The following SURF4 variants were observed in gnomAD, a reference collection of about 807,000 sequenced individuals.
The protein encoded by SURF4 is surfeit 4, also known as surfeit locus protein 4.
A neutral mutation model predicts 30.0 loss-of-function variants in SURF4; 3 were observed. The observed-to-expected ratio is 0.10, with a 90% CI of 0.05 to 0.26. SURF4 has a LOEUF of 0.26. Among genes scored for constraint, SURF4 ranks in the 10% least tolerant of loss-of-function variants. SURF4 has a pLI of 1.00. For missense variants in SURF4, 217 were observed against 350.8 expected (o/e 0.62, Z 3.05); for synonymous variants, 143 against 139.9 (o/e 1.02, Z -0.16).
rs2130230950 is a variant in SURF4, at chr9:133,374,947, G to C, written c.48+975C>G. ...TAGCAAAGCCACACGAACACATTAA[G>C]TAAACCGAGGAAAAAACGGCAAGTG... is the stretch of plus-strand genomic sequence containing the variant. On this transcript the variant is annotated intron_variant, in intron 1 of 5. Coordinates refer to ENST00000371989, the MANE Select transcript of SURF4 (RefSeq NM_033161.4). Among the ~76,000 whole-genome samples the C allele has an allele frequency of 9.7e-3, 1,481 of 152,252 alleles. 11 individuals are homozygous for C. Among genetic ancestry groups the C allele is most frequent in the Non-Finnish European group, 0.015 (1,039 of 68,018 alleles).
upstream of SURF4, chr9:133,376,413 A>G (rs1837947209): frequency 2.7e-6 from 4 of 1,482,380 alleles, no homozygotes; most frequent in East Asian, 5.6e-5. Context: ...CGCGGGTCCC[A>G]CTGACCCACG....
In SURF4 at chr9:133,363,765, T is replaced by G. The variant is rs2130092103; in HGVS notation, c.544-6A>C. 1.9e-6 allele frequency: 3 copies of G among 1,613,898 alleles called. No homozygotes were observed. Among genetic ancestry groups the G allele is most frequent in the Non-Finnish European group, 1.7e-6 (2 of 1,179,850 alleles). On this transcript the variant is annotated splice_polypyrimidine_tract_variant and splice_region_variant and intron_variant, in intron 5 of 5. Coordinates refer to ENST00000371989, the MANE Select transcript of SURF4 (RefSeq NM_033161.4). This position sits in a 1 kb window ranked among gnomAD's most constrained non-coding sequence, Gnocchi z 4.3. ...CCCACGATGTTCTGGACAATCTGCATAGGTTGAAACGTAAGAAATTCAAAA... is the reference window on the plus strand; with the variant it reads ...CCCACGATGTTCTGGACAATCTGCAGAGGTTGAAACGTAAGAAATTCAAAA...
At chr9:133,372,560 C>T (rs1307609451) in intron 1 of SURF4, 1 of 980,516 alleles carries the variant, frequency 1.0e-6, no homozygotes, top group Middle Eastern at 5.2e-4. Context: ...TACTGGAAGA[C>T]ACTGGGCCTG....
intron 2 of SURF4, among the ~76,000 whole-genome samples, 166 bp downstream of exon 2, chr9:133,367,093 G>A (rs1204923722): frequency 6.6e-6 from 1 of 152,228 alleles, no homozygotes; most frequent in Non-Finnish European, 1.5e-5. Flanking sequence ...CCCCACCAAG[G>A]CTTGCAGAAC....
chr9:133,377,845 C>T (rs2130255695), upstream of SURF4, among the ~76,000 whole-genome samples: 6 of 152,172 alleles, frequency 3.9e-5, no homozygotes, highest in African/African-American at 1.2e-4. Flanking sequence ...AATTACACAA[C>T]TCACCATAAT....
Position 133,375,997 on chromosome 9 carries a change from C to G in SURF4, c.-28G>C. ...CGACGGCGGGAGGCTCGGCTCGGCT[C>G]GCTCGCTCGCTCGCTGGCTCTCGCC... On this transcript the variant is annotated 5_prime_UTR_variant, in exon 1 of 6. Coordinates refer to ENST00000371989, the MANE Select transcript of SURF4 (RefSeq NM_033161.4). The G allele has an allele frequency of 8.3e-7, 1 of 1,206,518 alleles. No individual in the cohort carries two copies. Among genetic ancestry groups the G allele is most frequent in the Non-Finnish European group, 1.0e-6 (1 of 977,450 alleles). 74.7% of individuals were successfully genotyped at this position (1,206,518 alleles called of 1,614,324 possible).
chr9:133,366,408 A>G (rs1837175314), intron 3 of SURF4, among the ~76,000 whole-genome samples, 191 bp downstream of exon 3: 1 of 152,216 alleles, frequency 6.6e-6, no homozygotes, highest in Non-Finnish European at 1.5e-5. Context: ...AAGATGGCCC[A>G]GTACCGAATG....
At chr9:133,377,904 C>T (rs1313571612), upstream of SURF4, among the ~76,000 whole-genome samples, 2 of 152,126 alleles carry the variant, frequency 1.3e-5, no homozygotes, top group East Asian at 3.8e-4. Context: ...CTAGACCATC[C>T]TCTCGGGATG....
chr9:133,366,509 G>T, intron 3 of SURF4, 90 bp downstream of exon 3: 3 of 1,382,174 alleles, frequency 2.2e-6, no homozygotes, highest in African/African-American at 1.4e-5. Context: ...GCTGAAGGGG[G>T]AGTGACACTG....
At chr9:133,374,626 G>C (rs1837747824) in intron 1 of SURF4, among the ~76,000 whole-genome samples, 1 of 152,056 alleles carries the variant, frequency 6.6e-6, no homozygotes, top group Non-Finnish European at 1.5e-5. Context: ...CACAAAATCA[G>C]AATCTTAGGG....
chr9:133,374,717 G>A (rs2130227823), intron 1 of SURF4, among the ~76,000 whole-genome samples: 5 of 152,202 alleles, frequency 3.3e-5, no homozygotes, highest in African/African-American at 1.2e-4. Context: ...AATGAGAACC[G>A]ATGGTGAGGT....
At chr9:133,375,829 G>A (rs113778232) in intron 1 of SURF4, 93 bp downstream of exon 1, 22 of 1,176,952 alleles carry the variant, frequency 1.9e-5, no homozygotes, top group Non-Finnish European at 2.1e-5. Flanking sequence ...GGGGCGGCCC[G>A]GGCCTGGCGC....
chr9:133,367,333 T>C lies in SURF4; in HGVS notation c.161A>G (p.Tyr54Cys). The C allele has an allele frequency of 1.2e-6, 2 of 1,614,236 alleles. No individual in the cohort carries two copies. Among genetic ancestry groups the C allele is most frequent in the Non-Finnish European group, 1.7e-6 (2 of 1,180,040 alleles). Residue 54 changes from tyrosine (Y) to cysteine (C), a missense_variant, in exon 2 of 6, where the codon TAC becomes TGC. Transcript: ENST00000371989. ...MWFQWSEQRDYIDTTWNCGYL... is the reference protein window; with the variant it reads ...MWFQWSEQRDCIDTTWNCGYL... ...GCCGCAGTTCCAGGTGGTGTCGATG[T>C]AGTCGCGCTGCTCGCTCCACTGGAA...
chr9:133,363,715 G>A lies in SURF4; in HGVS notation c.588C>T (p.Ala196=). ...IVGTALMILV[A]IGFKTKLAAL... is the part of the protein sequence containing the mutation. Reference sequence around the variant, plus strand: ...CAGCCAGCTTGGTTTTAAAACCAATGGCCACTAAAATCATCAGAGCTGTGC... The same window carrying A: ...CAGCCAGCTTGGTTTTAAAACCAATAGCCACTAAAATCATCAGAGCTGTGC... Residue 196 remains alanine, a synonymous_variant, in exon 6 of 6, where the codon GCC becomes GCT. Transcript: ENST00000371989. This position sits in a 1 kb window ranked among gnomAD's most constrained non-coding sequence, Gnocchi z 4.3. 14 of 1,614,186 alleles carry A rather than the reference G, an allele frequency of 8.7e-6. No homozygotes were observed. Among genetic ancestry groups the A allele is most frequent in the Non-Finnish European group, 1.2e-5 (14 of 1,180,046 alleles).
intron 1 of SURF4, among the ~76,000 whole-genome samples, chr9:133,374,221 G>A (rs1332615025): frequency 6.6e-6 from 1 of 152,084 alleles, no homozygotes; most frequent in Non-Finnish European, 1.5e-5. Flanking sequence ...AGGTCTACCT[G>A]GTTCTTGAGA....
At chr9:133,376,269 G>C, upstream of SURF4, 3 of 1,304,022 alleles carry the variant, frequency 2.3e-6, no homozygotes, top group Non-Finnish European at 2.9e-6. Context: ...CGCCCGCCGC[G>C]CGCAGGCCCT....
At position 133,363,290 on chromosome 9, in the gene SURF4, C is replaced by CGT. The variant is rs1307372613; in HGVS notation, c.*202_*203insAC. ...GCCAGGCTGGCCTGCACTGAAGGGT[C>CGT]AGACGCCAGACTGTGGCTCCAGAGC... is the stretch of plus-strand genomic sequence containing the variant. On this transcript the variant is annotated 3_prime_UTR_variant, in exon 6 of 6. Coordinates refer to ENST00000371989, the MANE Select transcript of SURF4 (RefSeq NM_033161.4). This position sits in a 1 kb window ranked among gnomAD's most constrained non-coding sequence, Gnocchi z 4.3. The CGT allele has an allele frequency of 4.3e-6, 4 of 919,712 alleles. No individual in the cohort carries two copies. The highest frequency in any genetic ancestry group is 6.9e-6 in the Non-Finnish European group (4 of 575,872). The allele number at this position is 919,712 out of a possible 1,614,324, so 57.0% of individuals were successfully genotyped here.
rs1837890100 is a variant in SURF4, at chr9:133,375,908, C to G, written c.48+14G>C. The G allele has an allele frequency of 2.4e-5, 29 of 1,224,580 alleles. No individual in the cohort carries two copies. Among genetic ancestry groups the G allele is most frequent in the Non-Finnish European group, 2.9e-5 (28 of 980,422 alleles). The allele number at this position is 1,224,580 out of a possible 1,614,324, so 75.9% of individuals were successfully genotyped here. A position where few individuals can be genotyped will look rare whatever the true frequency, so the allele number is the denominator to read the frequency against. The stretch of plus-strand genomic sequence containing the variant: ...GTCGGGACCGGGGCCGGGGGAGGAG[C>G]CCGCAGGCCGCACCTGGTCGGCGAA... On this transcript the variant is annotated intron_variant, in intron 1 of 5. Transcript: ENST00000371989.
At chr9:133,376,645 G>T (rs950553249), upstream of SURF4, 2 of 1,216,068 alleles carry the variant, frequency 1.6e-6, no homozygotes, top group Admixed American at 3.0e-5. Flanking sequence ...TTCCGACCGA[G>T]GGCGGCGAGG....
Sources: gnomAD v4.1 joint callset for allele counts (sites outside exome capture counted in the v4.1 genomes callset) on GRCh38, gnomAD v4.1.1 for gene constraint, Gnocchi (gnomAD v3.1) non-coding constraint, MANE v1.5 for transcripts, NCBI Gene and HGNC (gene_info 2026-07-23, HGNC 2026-07-21) for gene names.